Variants in SMARCC1 observed in about 807,000 individuals in gnomAD.
SMARCC1 encodes SWI/SNF complex subunit SMARCC1.
In SMARCC1, 43 loss-of-function variants were observed where a neutral mutation model predicts 147.4. That is an observed-to-expected ratio of 0.29 (90% CI 0.23 to 0.38). SMARCC1 has a LOEUF of 0.38. Among genes scored for constraint, SMARCC1 ranks in the 10% least tolerant of loss-of-function variants. The probability of loss-of-function intolerance (pLI) is 1.00; values close to 1 mark genes in which losing one functional copy is unlikely to be tolerated. For synonymous variants in SMARCC1, 495 were observed against 484.4 expected (o/e 1.02, Z -0.29); for missense variants, 1,119 against 1,381.1 (o/e 0.81, Z 3.01).
chr3:47,598,489 T>C (rs2032334947), intron 26 of SMARCC1, among the ~76,000 whole-genome samples: 1 of 152,092 alleles, frequency 6.6e-6, no homozygotes, highest in Admixed American at 6.6e-5. Flanking sequence ...TCTCCTCCTC[T>C]CTCTCTCAAT....
chr3:47,763,052 C>T (rs1309893428), intron 2 of SMARCC1, among the ~76,000 whole-genome samples: 1 of 121,764 alleles, frequency 8.2e-6, no homozygotes, highest in Non-Finnish European at 1.7e-5. Flanking sequence ...GGCGACAGAG[C>T]GAGACTCCAT....
intron 5 of SMARCC1, among the ~76,000 whole-genome samples, chr3:47,731,350 T>C (rs1207984718): frequency 6.6e-6 from 1 of 152,162 alleles, no homozygotes; most frequent in Non-Finnish European, 1.5e-5. Flanking sequence ...ACCACGTCTG[T>C]AGTTACTTCC....
At chr3:47,768,901 T>C (rs984409601) in intron 2 of SMARCC1, among the ~76,000 whole-genome samples, 1 of 152,086 alleles carries the variant, frequency 6.6e-6, no homozygotes, top group Non-Finnish European at 1.5e-5. Flanking sequence ...ATGTTTAAAT[T>C]TTTGTTATAA....
chr3:47,733,780 T>G (rs947508843), intron 5 of SMARCC1, among the ~76,000 whole-genome samples: 1 of 146,500 alleles, frequency 6.8e-6, no homozygotes, highest in African/African-American at 2.5e-5. Flanking sequence ...AAGAGAATGG[T>G]GTGAACCCAG....
chr3:47,685,917 C>T (rs933365296), intron 14 of SMARCC1, 132 bp downstream of exon 14: 1 of 662,794 alleles, frequency 1.5e-6, no homozygotes, highest in African/African-American at 1.8e-5. Flanking sequence ...ATAAAAATCA[C>T]TCTCCATCTC....
intron 25 of SMARCC1, among the ~76,000 whole-genome samples, chr3:47,620,466 GAA>G (rs746084171): frequency 7.2e-6 from 1 of 138,418 alleles, no homozygotes; most frequent in African/African-American, 2.6e-5. Context: ...CCGTTTTCAG[GAA>G]AAAAAAAAAA....
Position 47,671,199 on chromosome 3 carries a change from C to CA in SMARCC1, c.1840-483dup, listed in dbSNP as rs1431984849. Reference sequence around the variant, plus strand: ...AAAAAAAAAAAAAAAAAAAAAAAAACACACACAAAAACCAAAACCAAAAAA... The same window carrying CA: ...AAAAAAAAAAAAAAAAAAAAAAAAACAACACACAAAAACCAAAACCAAAAAA... On this transcript the variant is annotated intron_variant, in intron 18 of 27. Transcript: ENST00000254480. Among the ~76,000 whole-genome samples, 20 of 42,822 alleles carry CA rather than the reference C, an allele frequency of 4.7e-4. No homozygotes were observed. In the South Asian group the frequency reaches 0.014, roughly 31 times the overall value. The allele number at this position is 42,822 out of a possible 152,430, so 28.1% of individuals were successfully genotyped here. A position where few individuals can be genotyped will look rare whatever the true frequency, so the allele number is the denominator to read the frequency against.
At chr3:47,624,894 TAAAAAAAAA>T (rs60766054) in intron 24 of SMARCC1, among the ~76,000 whole-genome samples, 4,517 of 111,774 alleles carry the variant, frequency 0.04, 112 homozygotes, top group Non-Finnish European at 0.056. Context: ...TACTAAAAAT[TAAAAAAAAA>T]AAAAAAAAAA....
In SMARCC1 at chr3:47,638,798, A is replaced by G; in HGVS notation, c.2321-18T>C. 6.3e-7 allele frequency: 1 copy of G among 1,587,602 alleles called. No individual in the cohort carries two copies. The highest frequency in any genetic ancestry group is 1.1e-5 in the South Asian group (1 of 90,516). On this transcript the variant is annotated intron_variant, in intron 21 of 27. Transcript: ENST00000254480. Reference sequence around the variant, plus strand: ...AGCTCCTTCTACAAGTAAAAGAATAAGAACAAGTACTCCAATGTGGAAAAA... The same window carrying G: ...AGCTCCTTCTACAAGTAAAAGAATAGGAACAAGTACTCCAATGTGGAAAAA...
chr3:47,633,675 C>T (rs893578730), intron 24 of SMARCC1, among the ~76,000 whole-genome samples: 5 of 134,586 alleles, frequency 3.7e-5, no homozygotes, highest in Non-Finnish European at 7.6e-5. Flanking sequence ...ACCCAGGAGG[C>T]GGAGGTTGCA....
intron 1 of SMARCC1, among the ~76,000 whole-genome samples, chr3:47,775,132 G>A (rs144888274): frequency 6.6e-6 from 1 of 150,996 alleles, no homozygotes; most frequent in Non-Finnish European, 1.5e-5. Flanking sequence ...AAAATTTGAA[G>A]TCAGTTTTTC....
Position 47,675,536 on chromosome 3 carries a change from G to T in SMARCC1, c.1778C>A (p.Pro593Gln). The T allele has an allele frequency of 1.2e-6, 2 of 1,613,098 alleles. No homozygotes were observed. Among genetic ancestry groups the T allele is most frequent in the Non-Finnish European group, 1.7e-6 (2 of 1,179,138 alleles). ...LNFPEKNKEK[P>Q]VDLQNFGLRT... Reference sequence around the variant, plus strand: ...GAGACCAAAGTTCTGCAAATCAACTGGTTTTTCCTTGTTTTTCTCAGGAAA... The same window carrying T: ...GAGACCAAAGTTCTGCAAATCAACTTGTTTTTCCTTGTTTTTCTCAGGAAA... Residue 593 changes from proline (P) to glutamine (Q), a missense_variant, in exon 18 of 28, where the codon CCA becomes CAA. By Grantham distance (76) the Pro-to-Gln change is moderately conservative. Around this residue, in one of 6 missense-constraint regions of SMARCC1, gnomAD observed 178 missense variants for 264.6 expected, o/e 0.67. Transcript: ENST00000254480.
chr3:47,660,708 G>A (rs1056259369), intron 21 of SMARCC1, among the ~76,000 whole-genome samples: 1 of 152,088 alleles, frequency 6.6e-6, no homozygotes, highest in South Asian at 2.1e-4. Flanking sequence ...ATTGTTAGTG[G>A]GTACCACAGC....
At chr3:47,628,405 C>T (rs2032842471) in intron 24 of SMARCC1, among the ~76,000 whole-genome samples, 1 of 152,174 alleles carries the variant, frequency 6.6e-6, no homozygotes, top group Admixed American at 6.5e-5. Context: ...ATCTAAGATC[C>T]TTCCAACTAG....
intron 25 of SMARCC1, among the ~76,000 whole-genome samples, chr3:47,621,463 T>G (rs2032730564): frequency 6.6e-6 from 1 of 152,050 alleles, no homozygotes; most frequent in Non-Finnish European, 1.5e-5. Context: ...TACTATGAAA[T>G]ACTACACAGC....
At chr3:47,781,100 C>T (rs1559671961) in intron 1 of SMARCC1, among the ~76,000 whole-genome samples, 1 of 152,166 alleles carries the variant, frequency 6.6e-6, no homozygotes, top group Non-Finnish European at 1.5e-5. Context: ...TGAGGTAGAA[C>T]CGTCGTTAAT....
chr3:47,706,151 CAA>C (rs781543710), intron 10 of SMARCC1, among the ~76,000 whole-genome samples: 3 of 134,244 alleles, frequency 2.2e-5, no homozygotes, highest in Non-Finnish European at 3.2e-5. Context: ...TACTTAGATA[CAA>C]AAAAAAAAAA....
chr3:47,726,019 GCC>G, intron 6 of SMARCC1, among the ~76,000 whole-genome samples: 1 of 125,344 alleles, frequency 8.0e-6, no homozygotes, highest in Non-Finnish European at 1.6e-5. Flanking sequence ...CCAAGATCAC[GCC>G]ACTGCACTCC....
At chr3:47,777,713 A>T (rs1046369200) in intron 1 of SMARCC1, among the ~76,000 whole-genome samples, 2 of 151,488 alleles carry the variant, frequency 1.3e-5, no homozygotes, top group African/African-American at 4.8e-5. Flanking sequence ...TTTTTAGTAG[A>T]GCAGAAGTTT....
Sources: allele counts gnomAD v4.1 joint callset (sites outside exome capture counted in the v4.1 genomes callset), GRCh38; gene constraint gnomAD v4.1.1; regional missense constraint gnomAD v4.1.1; transcripts MANE v1.5; gene names NCBI Gene and HGNC (gene_info 2026-07-23, HGNC 2026-07-21).